Variants in RBFOX1 observed in about 807,000 individuals in gnomAD.
RBFOX1 encodes the protein RNA binding protein fox-1 homolog 1.
RBFOX1 carries 8 observed loss-of-function variants against 57.7 expected under a neutral mutation model. The ratio of observed to expected loss-of-function variants is 0.14; its 90% CI spans 0.08 to 0.25. RBFOX1 has a LOEUF of 0.25. Ranked by LOEUF, RBFOX1 falls within the 10% of genes least tolerant of loss-of-function variation. The pLI, the probability that RBFOX1 is intolerant of heterozygous loss-of-function variation, is 1.00. For synonymous variants in RBFOX1, 326 were observed against 222.4 expected (o/e 1.47, Z -4.15); for missense variants, 611 against 548.5 (o/e 1.11, Z -1.14).
Position 6,220,941 on chromosome 16 carries a change from A to G in RBFOX1, c.-126-96054A>G, listed in dbSNP as rs563580735. 5.9e-5 allele frequency among the ~76,000 whole-genome samples: 9 copies of G among 152,126 alleles called. No homozygotes were observed. In the South Asian group the frequency reaches 1.9e-3, roughly 32 times the overall value. On this transcript the variant is annotated intron_variant, in intron 1 of 15. Coordinates refer to ENST00000550418, the MANE Select transcript of RBFOX1 (RefSeq NM_018723.4). ...AACTTAACCTTAACTTGTAATGGCT[A>G]TCAAATACTTCACTCTGTGTGTGTG...
intron 2 of RBFOX1, among the ~76,000 whole-genome samples, chr16:5,546,634 A>G (rs185807005): frequency 7.6e-4 from 116 of 152,342 alleles, no homozygotes; most frequent in African/African-American, 2.7e-3. Flanking sequence ...ATTCAGATAT[A>G]CAACCTAAAT....
At chr16:6,446,648 G>A (rs2094491923) in intron 2 of RBFOX1, among the ~76,000 whole-genome samples, 2 of 151,938 alleles carry the variant, frequency 1.3e-5, no homozygotes, top group African/African-American at 4.8e-5. Context: ...CTGTAAAATG[G>A]GAATAAGAAC....
chr16:6,746,890 C>G (rs2073794169), intron 3 of RBFOX1, among the ~76,000 whole-genome samples: 1 of 152,066 alleles, frequency 6.6e-6, no homozygotes, highest in Admixed American at 6.6e-5. Flanking sequence ...CATAGAAACT[C>G]CATCTCCTAG....
intron 2 of RBFOX1, among the ~76,000 whole-genome samples, chr16:6,647,195 ATGAG>A (rs1384843529): frequency 1.3e-5 from 2 of 152,108 alleles, no homozygotes; most frequent in African/African-American, 4.8e-5. Flanking sequence ...GAGAGAGAAA[ATGAG>A]TGAGCTCTCT....
intron 3 of RBFOX1, among the ~76,000 whole-genome samples, chr16:6,921,392 A>G (rs957269040): frequency 2.0e-5 from 3 of 152,108 alleles, no homozygotes; most frequent in African/African-American, 7.2e-5. Context: ...TGCTTCGAAG[A>G]TCACCCAGGT....
At chr16:7,274,765 A>G (rs1348650456) in intron 4 of RBFOX1, among the ~76,000 whole-genome samples, 3 of 151,988 alleles carry the variant, frequency 2.0e-5, no homozygotes, top group Non-Finnish European at 4.4e-5. Context: ...GCTCACATCA[A>G]TCTCTGCCTT....
At position 7,700,676 on chromosome 16, in the gene RBFOX1, C is replaced by A. The variant is rs77352127; in HGVS notation, c.996-8380C>A. ...TGAGCTCTGCATTAAAGAGAATGTG[C>A]CTACAGCTCCTTTTTTAGAGGAGGT... is the stretch of plus-strand genomic sequence containing the variant. On this transcript the variant is annotated intron_variant, in intron 14 of 15. Coordinates refer to ENST00000550418, the MANE Select transcript of RBFOX1 (RefSeq NM_018723.4). Among the ~76,000 whole-genome samples the A allele has an allele frequency of 7.9e-5, 12 of 152,238 alleles. No homozygotes were observed. The East Asian group carries it at 2.3e-3, about 29-fold the overall frequency.
intron 2 of RBFOX1, among the ~76,000 whole-genome samples, chr16:5,554,265 C>T (rs1380740856): frequency 6.6e-6 from 1 of 152,094 alleles, no homozygotes; most frequent in Non-Finnish European, 1.5e-5. Flanking sequence ...GCCACAATGC[C>T]TGGCCTTTTT....
chr16:7,219,722 T>C (rs923930677), intron 4 of RBFOX1, among the ~76,000 whole-genome samples: 3 of 152,188 alleles, frequency 2.0e-5, no homozygotes, highest in African/African-American at 7.2e-5. Flanking sequence ...AAGCAGGGAA[T>C]CTTTAAGAGT....
At chr16:5,749,503 C>T (rs1377317870) in intron 3 of RBFOX1, among the ~76,000 whole-genome samples, 1 of 152,180 alleles carries the variant, frequency 6.6e-6, no homozygotes, top group Non-Finnish European at 1.5e-5. Flanking sequence ...TCAGGTACAC[C>T]AATCAGATGT....
At chr16:7,696,763 G>A (rs948158085) in intron 14 of RBFOX1, among the ~76,000 whole-genome samples, 1 of 152,162 alleles carries the variant, frequency 6.6e-6, no homozygotes, top group South Asian at 2.1e-4. Context: ...GGAGGGGATG[G>A]AAAGTAAGGT....
intron 2 of RBFOX1, among the ~76,000 whole-genome samples, chr16:6,513,022 C>T (rs776307732): frequency 6.6e-6 from 1 of 152,132 alleles, no homozygotes; most frequent in African/African-American, 2.4e-5. Flanking sequence ...TGTCTCCTTC[C>T]CACTGTGAAA....
chr16:6,820,350 T>A (rs78295567), intron 3 of RBFOX1, among the ~76,000 whole-genome samples: 4,501 of 152,214 alleles, frequency 0.03, 234 homozygotes, highest in East Asian at 0.16. Context: ...CCCTAATGGA[T>A]AGATAGGATT....
chr16:7,411,782 A>G (rs1016417671), intron 4 of RBFOX1, among the ~76,000 whole-genome samples: 1 of 152,112 alleles, frequency 6.6e-6, no homozygotes, highest in Non-Finnish European at 1.5e-5. Flanking sequence ...GCATGCCTGT[A>G]ATTCCAGCTA....
chr16:5,364,988 G>C (rs1283661340), intron 1 of RBFOX1, among the ~76,000 whole-genome samples: 1 of 152,138 alleles, frequency 6.6e-6, no homozygotes, highest in Non-Finnish European at 1.5e-5. Flanking sequence ...CAGTGGTTTG[G>C]GTTCTTCAAG....
chr16:6,700,597 G>A (rs2061675547), intron 3 of RBFOX1, among the ~76,000 whole-genome samples: 1 of 152,112 alleles, frequency 6.6e-6, no homozygotes, highest in African/African-American at 2.4e-5. Context: ...GGCAGAGGTT[G>A]CAGTGAGCTG....
chr16:7,037,961 C>T (rs1473348190), intron 3 of RBFOX1, among the ~76,000 whole-genome samples: 1 of 152,096 alleles, frequency 6.6e-6, no homozygotes, highest in African/African-American at 2.4e-5. Flanking sequence ...TATTAGAGCT[C>T]TGTAATATCC....
At chr16:5,457,040 G>A (rs949504465) in intron 1 of RBFOX1, among the ~76,000 whole-genome samples, 5 of 152,190 alleles carry the variant, frequency 3.3e-5, no homozygotes, top group African/African-American at 4.8e-5. Context: ...TTGAGGTGCC[G>A]GCCGGTTTGG....
chr16:6,273,727 TA>T (rs2075489883), intron 1 of RBFOX1, among the ~76,000 whole-genome samples: 1 of 152,112 alleles, frequency 6.6e-6, no homozygotes, highest in African/African-American at 2.4e-5. Flanking sequence ...AAAAATTTTT[TA>T]AATCTTGCTC....
Sources: allele counts gnomAD v4.1 joint callset (sites outside exome capture counted in the v4.1 genomes callset), GRCh38; gene constraint gnomAD v4.1.1; transcripts MANE v1.5; gene names NCBI Gene and HGNC (gene_info 2026-07-23, HGNC 2026-07-21).